Variants in KCNMB2 observed in about 807,000 individuals in gnomAD.
KCNMB2 encodes potassium calcium-activated channel subfamily M regulatory beta subunit 2.
In KCNMB2, 9 loss-of-function variants were observed where a neutral mutation model predicts 24.5. The ratio of observed to expected loss-of-function variants is 0.37; its 90% CI spans 0.22 to 0.64. The LOEUF is 0.64. KCNMB2 is among the 30% of genes least tolerant of loss of function. KCNMB2 has a pLI of 0.63. For synonymous variants in KCNMB2, 109 were observed against 104.4 expected (o/e 1.04, Z -0.27); for missense variants, 226 against 284.3 (o/e 0.79, Z 1.47).
At position 178,756,888 on chromosome 3, in the gene KCNMB2, C is replaced by T. The variant is rs562796581; in HGVS notation, c.-67-50455C>T. Among the ~76,000 whole-genome samples, 20 of 152,060 alleles carry T rather than the reference C, an allele frequency of 1.3e-4. 1 individual carries two copies. In the Middle Eastern group the frequency reaches 0.014, roughly 103 times the overall value. On this transcript the variant is annotated intron_variant, in intron 1 of 4. Coordinates refer to ENST00000452583, the MANE Select transcript of KCNMB2 (RefSeq NM_181361.3). Reference sequence around the variant, plus strand: ...ATTTTTTCCATAATGCACATCACAGCTTTCCTGAGCTTAAAAACACTGGAC... The same window carrying T: ...ATTTTTTCCATAATGCACATCACAGTTTTCCTGAGCTTAAAAACACTGGAC...
intron 1 of KCNMB2, among the ~76,000 whole-genome samples, chr3:178,805,381 TCAAACTCTCCGTGGTA>T (rs1160463291): frequency 4.6e-5 from 7 of 152,194 alleles, no homozygotes; most frequent in Non-Finnish European, 7.3e-5. Context: ...GCCAACAGTT[TCAAACTCTCCGTGGTA>T]CAGACTAAGC....
At chr3:178,597,876 C>T (rs1717933293) in intron 1 of KCNMB2, among the ~76,000 whole-genome samples, 1 of 152,060 alleles carries the variant, frequency 6.6e-6, no homozygotes, top group Non-Finnish European at 1.5e-5. Flanking sequence ...TCCTTGGCTA[C>T]AACTTCTTCT....
Position 178,843,840 on chromosome 3 carries a change from T to C in KCNMB2, c.*903T>C, listed in dbSNP as rs751958607. 3.9e-5 allele frequency: 6 copies of C among 152,202 alleles called. No individual in the cohort carries two copies. Among genetic ancestry groups the C allele is most frequent in the Non-Finnish European group, 5.9e-5 (4 of 68,026 alleles). 9.4% of individuals were successfully genotyped at this position (152,202 alleles called of 1,614,324 possible). Reference sequence around the variant, plus strand: ...CTGGTTTCAATGGGTAAATGTGTTGTGGCAAATTAATGTGTTGGAATATTG... The same window carrying C: ...CTGGTTTCAATGGGTAAATGTGTTGCGGCAAATTAATGTGTTGGAATATTG... On this transcript the variant is annotated 3_prime_UTR_variant, in exon 5 of 5. Transcript: ENST00000452583.
intron 1 of KCNMB2, among the ~76,000 whole-genome samples, chr3:178,722,413 C>A (rs899362759): frequency 6.6e-6 from 1 of 152,172 alleles, no homozygotes; most frequent in South Asian, 2.1e-4. Context: ...TGGCATCTGG[C>A]ACAGGCCTTC....
In KCNMB2 at chr3:178,737,079, G is replaced by A. The variant is rs140569516; in HGVS notation, c.-67-70264G>A. Reference sequence around the variant, plus strand: ...GAGGGCAGGAGTTCAAGACCAGCCCGCCCAACGTAGTGAAACCTCATCTCT... The same window carrying A: ...GAGGGCAGGAGTTCAAGACCAGCCCACCCAACGTAGTGAAACCTCATCTCT... On this transcript the variant is annotated intron_variant, in intron 1 of 4. Coordinates refer to ENST00000452583, the MANE Select transcript of KCNMB2 (RefSeq NM_181361.3). 6.8e-4 allele frequency among the ~76,000 whole-genome samples: 103 copies of A among 152,204 alleles called. 2 individuals are homozygous for A. The East Asian group carries it at 0.017, about 25-fold the overall frequency.
intron 1 of KCNMB2, among the ~76,000 whole-genome samples, chr3:178,781,934 TC>T (rs1712868990): frequency 1.0e-5 from 1 of 98,516 alleles, no homozygotes; most frequent in Non-Finnish European, 2.0e-5. Context: ...GTGCTATCCC[TC>T]CCCCCTCCCC....
chr3:178,724,114 T>C (rs965907804), intron 1 of KCNMB2, among the ~76,000 whole-genome samples: 14 of 152,146 alleles, frequency 9.2e-5, no homozygotes, highest in African/African-American at 3.4e-4. Context: ...AGTGTATAAG[T>C]ATTCCCTTTT....
At chr3:178,624,780 C>A (rs149397261) in intron 1 of KCNMB2, among the ~76,000 whole-genome samples, 1 of 151,758 alleles carries the variant, frequency 6.6e-6, no homozygotes, top group African/African-American at 2.4e-5. Flanking sequence ...TGGCACTTCA[C>A]GTGGACAGGG....
In KCNMB2 at chr3:178,699,154, G is replaced by C. The variant is rs897209118; in HGVS notation, c.-67-108189G>C. ...GCACTAGAAGTGGTGTTGGCTTGGG[G>C]CAGGATGCTGACTAGCTCAGGCCTG... On this transcript the variant is annotated intron_variant, in intron 1 of 4. Transcript: ENST00000452583. Among the ~76,000 whole-genome samples the C allele has an allele frequency of 5.3e-5, 8 of 152,362 alleles. No individual in the cohort carries two copies. The East Asian group carries it at 1.4e-3, about 26-fold the overall frequency.
At position 178,817,216 on chromosome 3, in the gene KCNMB2, C is replaced by CATAT. The variant is rs573513799; in HGVS notation, c.57-8364_57-8361dup. On this transcript the variant is annotated intron_variant, in intron 2 of 4. Transcript: ENST00000452583. Reference sequence around the variant, plus strand: ...TGGACAAAATCCTTCATGTTAATGACATATATATATAAATGAAGTGTGACT... The same window carrying CATAT: ...TGGACAAAATCCTTCATGTTAATGACATATATATATATATAAATGAAGTGTGACT... 2.9e-4 allele frequency among the ~76,000 whole-genome samples: 30 copies of CATAT among 101,844 alleles called. 2 individuals carry two copies. The East Asian group carries it at 7.0e-3, about 24-fold the overall frequency. 66.8% of individuals were successfully genotyped at this position (101,844 alleles called of 152,430 possible). A position where few individuals can be genotyped will look rare whatever the true frequency, so the allele number is the denominator to read the frequency against.
intron 1 of KCNMB2, among the ~76,000 whole-genome samples, chr3:178,727,363 T>G (rs1008661570): frequency 1.3e-5 from 2 of 152,118 alleles, no homozygotes; most frequent in African/African-American, 2.4e-5. Context: ...GTCCTCTTTC[T>G]CCACCGTGGT....
chr3:178,755,135 A>G (rs1467361414), intron 1 of KCNMB2, among the ~76,000 whole-genome samples: 1 of 152,234 alleles, frequency 6.6e-6, no homozygotes, highest in Non-Finnish European at 1.5e-5. Flanking sequence ...TTTCCACGGC[A>G]GGCAGTGTCA....
intron 1 of KCNMB2, among the ~76,000 whole-genome samples, chr3:178,583,093 C>T (rs1365898229): frequency 6.6e-6 from 1 of 152,008 alleles, no homozygotes; most frequent in African/African-American, 2.4e-5. Flanking sequence ...GCTTTGAGTT[C>T]AATATAATCT....
At chr3:178,692,930 C>T (rs1721736432) in intron 1 of KCNMB2, among the ~76,000 whole-genome samples, 1 of 152,078 alleles carries the variant, frequency 6.6e-6, no homozygotes, top group African/African-American at 2.4e-5. Flanking sequence ...TTATTTGAGC[C>T]ATGTTTTGCA....
intron 1 of KCNMB2, among the ~76,000 whole-genome samples, chr3:178,738,432 T>C (rs1723386699): frequency 6.6e-6 from 1 of 152,212 alleles, no homozygotes; most frequent in Non-Finnish European, 1.5e-5. Context: ...TCCACACTGT[T>C]TTCAGAATAC....
chr3:178,568,809 AGATAGATAATAGATAGATAGAT>A (rs1716637391), intron 1 of KCNMB2, among the ~76,000 whole-genome samples: 1 of 51,568 alleles, frequency 1.9e-5, no homozygotes, highest in Non-Finnish European at 4.2e-5. Context: ...ATAGATAGAT[AGATAGATAATAGATAGATAGAT>A]GATAGATAGA....
At chr3:178,718,253 A>G (rs1722683419) in intron 1 of KCNMB2, among the ~76,000 whole-genome samples, 1 of 152,140 alleles carries the variant, frequency 6.6e-6, no homozygotes, top group Admixed American at 6.5e-5. Flanking sequence ...CTGAGAAGAA[A>G]CTTTTCCTTA....
At chr3:178,619,568 G>T (rs1051329107) in intron 1 of KCNMB2, among the ~76,000 whole-genome samples, 5 of 152,012 alleles carry the variant, frequency 3.3e-5, no homozygotes, top group Admixed American at 6.6e-5. Flanking sequence ...ATTTATTAGA[G>T]TATAAAAAAC....
intron 4 of KCNMB2, among the ~76,000 whole-genome samples, chr3:178,831,072 C>T (rs1172493611): frequency 6.6e-6 from 1 of 150,512 alleles, no homozygotes; most frequent in Non-Finnish European, 1.5e-5. Context: ...TAAAATCTGA[C>T]TGGAATTAAT....
Sources: gnomAD v4.1 joint callset for allele counts (sites outside exome capture counted in the v4.1 genomes callset) on GRCh38, gnomAD v4.1.1 for gene constraint, MANE v1.5 for transcripts, NCBI Gene and HGNC (gene_info 2026-07-23, HGNC 2026-07-21) for gene names.